Variants in GABRG3 observed in about 807,000 individuals in gnomAD.
GABRG3 encodes the protein gamma-aminobutyric acid receptor subunit gamma-3.
Under a neutral mutation model 48.8 loss-of-function variants are expected in GABRG3, and 25 were observed. The observed-to-expected ratio is 0.51, with a 90% CI of 0.37 to 0.72. The LOEUF is 0.72. GABRG3 is among the 30% of genes least tolerant of loss of function. The pLI is 0.00. For synonymous variants in GABRG3, 227 were observed against 217.6 expected (o/e 1.04, Z -0.38); for missense variants, 394 against 577.9 (o/e 0.68, Z 3.26).
At chr15:27,524,223 A>G (rs2150863691) in intron 7 of GABRG3, among the ~76,000 whole-genome samples, 1 of 152,262 alleles carries the variant, frequency 6.6e-6, no homozygotes, top group East Asian at 1.9e-4. Flanking sequence ...GAAGTAGCAC[A>G]GCATTTTTTA....
intron 2 of GABRG3, 114 bp downstream of exon 2, chr15:26,977,264 TC>T: frequency 9.0e-7 from 1 of 1,105,706 alleles, no homozygotes; most frequent in Non-Finnish European, 1.3e-6. Flanking sequence ...CAGAAAGGTT[TC>T]CTGTACTTGT....
intron 2 of GABRG3, among the ~76,000 whole-genome samples, chr15:26,985,921 G>C (rs1257232567): frequency 6.6e-6 from 1 of 152,188 alleles, no homozygotes; most frequent in East Asian, 1.9e-4. Flanking sequence ...CCACAGTGTA[G>C]GTGAAGGAAG....
Position 27,250,717 on chromosome 15 carries a change from G to A in GABRG3, c.271-76092G>A, listed in dbSNP as rs578115189. 1.8e-4 allele frequency among the ~76,000 whole-genome samples: 28 copies of A among 152,294 alleles called. No homozygotes were observed. In the East Asian group the frequency reaches 4.3e-3, roughly 23 times the overall value. On this transcript the variant is annotated intron_variant, in intron 3 of 9. Transcript: ENST00000615808. ...GCTGGGATCACAGGCGTGAGCCACC[G>A]CGACTAGCCTCAGGAAGCACTACTT...
chr15:27,418,147 G>A (rs1478922303), intron 5 of GABRG3, among the ~76,000 whole-genome samples: 1 of 152,192 alleles, frequency 6.6e-6, no homozygotes, highest in African/African-American at 2.4e-5. Flanking sequence ...TGCCTCAGAT[G>A]AATATGAAGG....
intron 5 of GABRG3, among the ~76,000 whole-genome samples, chr15:27,475,910 G>A (rs949588037): frequency 6.6e-6 from 1 of 152,142 alleles, no homozygotes; most frequent in African/African-American, 2.4e-5. Context: ...GGTGACTGTA[G>A]TGATGATGAC....
At chr15:27,128,540 T>TTG (rs1308368234) in intron 3 of GABRG3, among the ~76,000 whole-genome samples, 1 of 152,212 alleles carries the variant, frequency 6.6e-6, no homozygotes, top group Non-Finnish European at 1.5e-5. Flanking sequence ...GTGTGAATGT[T>TTG]TTACAGAGTA....
intron 3 of GABRG3, among the ~76,000 whole-genome samples, chr15:27,151,724 A>T (rs1898318849): frequency 6.6e-6 from 1 of 152,154 alleles, no homozygotes; most frequent in South Asian, 2.1e-4. Context: ...AACTCAACCC[A>T]AATGGAAGAA....
intron 3 of GABRG3, among the ~76,000 whole-genome samples, chr15:27,031,061 CAG>C (rs1311417378): frequency 1.5e-4 from 15 of 100,046 alleles, no homozygotes; most frequent in African/African-American, 6.0e-4. Context: ...TACACACACA[CAG>C]ACACACACAC....
intron 3 of GABRG3, among the ~76,000 whole-genome samples, chr15:27,040,843 A>T (rs531824032): frequency 1.3e-5 from 2 of 152,352 alleles, no homozygotes; most frequent in African/African-American, 4.8e-5. Flanking sequence ...TTTACATGAG[A>T]TAAGAAGGGA....
chr15:27,353,595 C>T (rs1595698895), intron 5 of GABRG3, among the ~76,000 whole-genome samples: 1 of 152,140 alleles, frequency 6.6e-6, no homozygotes, highest in African/African-American at 2.4e-5. Flanking sequence ...AGGTGTGCAC[C>T]ACCACATCTG....
intron 6 of GABRG3, among the ~76,000 whole-genome samples, chr15:27,508,423 C>T (rs1334275572): frequency 2.0e-5 from 3 of 152,000 alleles, no homozygotes; most frequent in East Asian, 1.9e-4. Context: ...TACTTTCTTC[C>T]ATCTCTTGTA....
At chr15:27,215,715 C>T (rs1451983493) in intron 3 of GABRG3, among the ~76,000 whole-genome samples, 5 of 152,064 alleles carry the variant, frequency 3.3e-5, no homozygotes, top group South Asian at 2.1e-4. Context: ...TCTGATTGCT[C>T]GAGTCAGGGG....
intron 5 of GABRG3, among the ~76,000 whole-genome samples, chr15:27,393,082 A>G (rs1595725225): frequency 1.3e-5 from 2 of 152,136 alleles, no homozygotes; most frequent in African/African-American, 2.4e-5. Context: ...GCAGTGGCTC[A>G]TGCCTGTAAT....
intron 3 of GABRG3, among the ~76,000 whole-genome samples, chr15:27,256,424 G>A (rs1325081938): frequency 7.4e-6 from 1 of 134,668 alleles, no homozygotes; most frequent in Admixed American, 8.3e-5. Context: ...CTGGGCGACA[G>A]AGCAAGACTC....
intron 3 of GABRG3, among the ~76,000 whole-genome samples, chr15:27,281,174 C>T (rs1891420510): frequency 6.6e-6 from 1 of 152,116 alleles, no homozygotes; most frequent in Non-Finnish European, 1.5e-5. Context: ...CATCCTTTTA[C>T]TTTCACCCTA....
At chr15:27,442,452 A>G (rs887028639) in intron 5 of GABRG3, among the ~76,000 whole-genome samples, 14 of 152,290 alleles carry the variant, frequency 9.2e-5, no homozygotes, top group African/African-American at 3.1e-4. Flanking sequence ...TATAGCACAC[A>G]CAGATGTGTG....
chr15:27,509,860 T>C (rs1890855786), intron 6 of GABRG3, among the ~76,000 whole-genome samples: 1 of 152,276 alleles, frequency 6.6e-6, no homozygotes, highest in Non-Finnish European at 1.5e-5. Flanking sequence ...TTCTTAGTAA[T>C]TATTTTGCCT....
intron 6 of GABRG3, among the ~76,000 whole-genome samples, chr15:27,500,977 G>A (rs1890612399): frequency 1.5e-5 from 2 of 132,906 alleles, no homozygotes; most frequent in Non-Finnish European, 1.6e-5. Flanking sequence ...TTTTGAGACG[G>A]AGTCTCACTC....
At chr15:27,172,016 A>G (rs1887588324) in intron 3 of GABRG3, among the ~76,000 whole-genome samples, 2 of 105,516 alleles carry the variant, frequency 1.9e-5, no homozygotes, top group African/African-American at 8.5e-5. Context: ...ACGGGGCCAA[A>G]CTTACTTTAA....
Sources: allele counts gnomAD v4.1 joint callset (sites outside exome capture counted in the v4.1 genomes callset), GRCh38; gene constraint gnomAD v4.1.1; transcripts MANE v1.5; gene names NCBI Gene and HGNC (gene_info 2026-07-23, HGNC 2026-07-21).